SLC30A8: variants seen among roughly 807,000 people sequenced by gnomAD.
SLC30A8 encodes solute carrier family 30 member 8, also known as proton-coupled zinc antiporter SLC30A8.
Under a neutral mutation model 36.9 loss-of-function variants are expected in SLC30A8, and 27 were observed. That is an observed-to-expected ratio of 0.73 (90% confidence interval 0.54 to 1.01). The LOEUF is 1.01. Among genes scored for constraint, SLC30A8 ranks in the 50% least tolerant of loss-of-function variants. The probability of loss-of-function intolerance (pLI) is 0.00; values close to 1 mark genes in which losing one functional copy is unlikely to be tolerated. For missense variants in SLC30A8, 439 were observed against 452.0 expected, an observed-to-expected ratio of 0.97 and a Z score of 0.26; for synonymous variants, 164 against 172.4, an observed-to-expected ratio of 0.95 and a Z score of 0.38.
intron 2 of SLC30A8, among the ~76,000 whole-genome samples, chr8:117,126,545 C>CCCATCCAT (rs57441824): frequency 0.017 from 2,486 of 149,690 alleles, 44 homozygotes; most frequent in African/African-American, 0.039. Flanking sequence ...CATCCACCAA[C>CCCATCCAT]CCATCCATCC....
intron 1 of SLC30A8, among the ~76,000 whole-genome samples, chr8:116,956,296 T>C (rs1415286172): frequency 6.6e-6 from 1 of 151,988 alleles, no homozygotes; most frequent in African/African-American, 2.4e-5. Context: ...AGGCTGAAAA[T>C]AGCTATAGTA....
intron 2 of SLC30A8, among the ~76,000 whole-genome samples, chr8:117,064,218 C>T (rs1818102590): frequency 1.3e-5 from 2 of 152,230 alleles, no homozygotes; most frequent in African/African-American, 4.8e-5. Flanking sequence ...TCTCAAACTC[C>T]TGACTTCAGG....
chr8:117,018,380 G>A (rs1816589096), intron 1 of SLC30A8: 1 of 151,934 alleles, frequency 6.6e-6, no homozygotes, highest in Admixed American at 6.5e-5. Flanking sequence ...AAATCATTGA[G>A]CTATTTTATA....
At chr8:117,140,188 A>T (rs1253628664) in intron 1 of SLC30A8, among the ~76,000 whole-genome samples, 1 of 152,092 alleles carries the variant, frequency 6.6e-6, no homozygotes, top group Non-Finnish European at 1.5e-5. Flanking sequence ...AGATTGGAAG[A>T]TATTATGCAA....
At chr8:116,979,513 G>A (rs888530983) in intron 1 of SLC30A8, among the ~76,000 whole-genome samples, 3 of 152,266 alleles carry the variant, frequency 2.0e-5, no homozygotes, top group Admixed American at 1.3e-4. Context: ...AGACTTTAAC[G>A]AATCTTTGGG....
chr8:116,963,767 G>A (rs991839239), intron 1 of SLC30A8, among the ~76,000 whole-genome samples: 4 of 152,182 alleles, frequency 2.6e-5, no homozygotes, highest in Admixed American at 1.3e-4. Flanking sequence ...GCTTTGGAGT[G>A]TATATCCAGG....
At chr8:117,004,189 C>T (rs1816100266) in intron 1 of SLC30A8, among the ~76,000 whole-genome samples, 1 of 152,210 alleles carries the variant, frequency 6.6e-6, no homozygotes, top group Non-Finnish European at 1.5e-5. Context: ...ACCTTTTAAT[C>T]TGCACATGTT....
At chr8:117,139,830 G>A (rs1219371954) in intron 1 of SLC30A8, among the ~76,000 whole-genome samples, 1 of 147,552 alleles carries the variant, frequency 6.8e-6, no homozygotes, top group Non-Finnish European at 1.5e-5. Flanking sequence ...CAGAGGCTGC[G>A]CATGCAGGGA....
At chr8:116,974,192 A>G (rs1223406399) in intron 1 of SLC30A8, among the ~76,000 whole-genome samples, 5 of 152,222 alleles carry the variant, frequency 3.3e-5, no homozygotes, top group Non-Finnish European at 7.3e-5. Flanking sequence ...GACAAATGGG[A>G]TCTAATTAAA....
chr8:117,171,218 A>T, intron 7 of SLC30A8, 50 bp downstream of exon 7: 1 of 1,588,350 alleles, frequency 6.3e-7, no homozygotes, highest in Non-Finnish European at 8.6e-7. Context: ...CTTGTCCTGT[A>T]AAGTCAGTAA....
intron 1 of SLC30A8, among the ~76,000 whole-genome samples, chr8:117,139,280 G>A (rs547988134): frequency 6.6e-6 from 1 of 151,974 alleles, no homozygotes. Flanking sequence ...AGGTTAATTG[G>A]GGTTATAAGA....
intron 2 of SLC30A8, among the ~76,000 whole-genome samples, chr8:117,064,252 T>C (rs1490282518): frequency 1.3e-5 from 2 of 152,134 alleles, no homozygotes; most frequent in African/African-American, 4.8e-5. Flanking sequence ...TGCCTCGGCC[T>C]CCCAAAGTGC....
chr8:117,155,908 C>T (rs1201220674), intron 3 of SLC30A8, among the ~76,000 whole-genome samples: 1 of 152,140 alleles, frequency 6.6e-6, no homozygotes, highest in Non-Finnish European at 1.5e-5. Flanking sequence ...ATGTCTATGT[C>T]CAGGTTTCCA....
chr8:117,173,063 A>C lies in SLC30A8; in HGVS notation c.*382A>C. ...TACTAGAAATCAGTGGAAGGGACAA[A>C]TAGTCACAAAATTTTACCAAAACAT... On this transcript the variant is annotated 3_prime_UTR_variant, in exon 8 of 8. Coordinates refer to ENST00000456015, the MANE Select transcript of SLC30A8 (RefSeq NM_173851.3). The C allele has an allele frequency of 5.8e-6, 1 of 173,184 alleles. No individual in the cohort carries two copies. 10.7% of individuals were successfully genotyped at this position (173,184 alleles called of 1,614,324 possible).
intron 2 of SLC30A8, among the ~76,000 whole-genome samples, chr8:117,053,159 G>C (rs546074718): frequency 6.6e-6 from 1 of 151,968 alleles, no homozygotes; most frequent in South Asian, 2.1e-4. Context: ...GTGATCTGCC[G>C]GCCTCGTGAT....
chr8:117,090,715 G>A (rs1424998845), intron 2 of SLC30A8, among the ~76,000 whole-genome samples: 1 of 152,214 alleles, frequency 6.6e-6, no homozygotes. Flanking sequence ...TTTAGGGAAA[G>A]CACATTCATT....
intron 1 of SLC30A8, 139 bp downstream of exon 1, chr8:117,135,537 A>G (rs1821323391): frequency 1.9e-6 from 1 of 525,504 alleles, no homozygotes; most frequent in South Asian, 4.3e-5. Context: ...GTTGACTGAC[A>G]TGTATTTTAT....
At chr8:117,045,726 CGTGGCCA>C (rs1817530160) in intron 2 of SLC30A8, among the ~76,000 whole-genome samples, 1 of 152,170 alleles carries the variant, frequency 6.6e-6, no homozygotes, top group South Asian at 2.1e-4. Flanking sequence ...CCTTTCAAAG[CGTGGCCA>C]GTGCAGAGCT....
At chr8:116,970,226 A>G (rs1450949789) in intron 1 of SLC30A8, among the ~76,000 whole-genome samples, 1 of 152,176 alleles carries the variant, frequency 6.6e-6, no homozygotes, top group Non-Finnish European at 1.5e-5. Flanking sequence ...GATCATCAAT[A>G]TCATTGTCTT....
Sources: gnomAD v4.1 joint callset for allele counts (sites outside exome capture counted in the v4.1 genomes callset) on GRCh38, gnomAD v4.1.1 for gene constraint, MANE v1.5 for transcripts, NCBI Gene and HGNC (gene_info 2026-07-23, HGNC 2026-07-21) for gene names.